Variants in GALNT13 observed in about 807,000 individuals in gnomAD.
The protein encoded by GALNT13 is UDP-GalNAc:polypeptide N-acetylgalactosaminyltransferase 13.
In GALNT13, 28 loss-of-function variants were observed where a neutral mutation model predicts 64.2. The observed-to-expected ratio is 0.44, with a 90% CI of 0.32 to 0.60. GALNT13 has a LOEUF of 0.60. Ranked by LOEUF, GALNT13 falls within the 20% of genes least tolerant of loss-of-function variation. The pLI, the probability that GALNT13 is intolerant of heterozygous loss-of-function variation, is 0.05. For synonymous variants in GALNT13, 214 were observed against 224.6 expected, an observed-to-expected ratio of 0.95 and a Z score of 0.42; for missense variants, 577 against 669.8, an observed-to-expected ratio of 0.86 and a Z score of 1.53.
the GALNT13 span, among the ~76,000 whole-genome samples, chr2:153,229,723 A>T: frequency 6.6e-6 from 1 of 152,154 alleles, no homozygotes; most frequent in Non-Finnish European, 1.5e-5. Context: ...GTGCCTCCTA[A>T]TTTCTATATT....
At chr2:154,302,880 A>G (rs892012374) in intron 9 of GALNT13, among the ~76,000 whole-genome samples, 3 of 152,158 alleles carry the variant, frequency 2.0e-5, no homozygotes, top group Non-Finnish European at 4.4e-5. Flanking sequence ...CAAACCTTTA[A>G]AAGGTGCTAA....
chr2:153,861,217 ATTAT>A, the GALNT13 span, among the ~76,000 whole-genome samples: 1 of 152,240 alleles, frequency 6.6e-6, no homozygotes, highest in East Asian at 1.9e-4. Flanking sequence ...CATAAACTGC[ATTAT>A]TTAATTCTCA....
the GALNT13 span, among the ~76,000 whole-genome samples, chr2:153,413,147 G>A: frequency 0.22 from 33,521 of 151,882 alleles, 3,937 homozygotes; most frequent in Non-Finnish European, 0.25. Flanking sequence ...TCTGTTTAAG[G>A]ACACAGGCAG....
the GALNT13 span, among the ~76,000 whole-genome samples, chr2:153,403,505 A>C: frequency 4.3e-4 from 66 of 152,222 alleles, no homozygotes; most frequent in Admixed American, 2.1e-3. Flanking sequence ...GCCTGGGCAA[A>C]GGCGGGCGCC....
chr2:153,762,723 A>C, the GALNT13 span: 2 of 151,672 alleles, frequency 1.3e-5, no homozygotes, highest in Non-Finnish European at 2.9e-5. Flanking sequence ...AAGCTCGGGC[A>C]GTTTCCACTT....
the GALNT13 span, among the ~76,000 whole-genome samples, chr2:153,384,648 A>G: frequency 6.6e-6 from 1 of 152,044 alleles, no homozygotes; most frequent in Non-Finnish European, 1.5e-5. Context: ...TTTCAGAAGC[A>G]AGTCTTTCAA....
chr2:153,137,192 T>G, the GALNT13 span, among the ~76,000 whole-genome samples: 1 of 152,114 alleles, frequency 6.6e-6, no homozygotes, highest in Non-Finnish European at 1.5e-5. Context: ...GGGCCACGTT[T>G]TTGAAAAGGA....
intron 9 of GALNT13, among the ~76,000 whole-genome samples, chr2:154,317,379 A>C (rs3856384): frequency 0.83 from 126,193 of 152,022 alleles, 52,548 homozygotes; most frequent in African/African-American, 0.89. Context: ...ATTTTTAGTG[A>C]AGTAAGCTAC....
chr2:153,897,088 A>G (rs1363712793), intron 1 of GALNT13, among the ~76,000 whole-genome samples: 1 of 152,156 alleles, frequency 6.6e-6, no homozygotes. Context: ...TTTGAGAATC[A>G]GTTGCAGACA....
chr2:154,428,144 C>G lies in GALNT13; in HGVS notation c.1396-10448C>G, dbSNP rs192403465. 2.4e-4 allele frequency among the ~76,000 whole-genome samples: 36 copies of G among 152,188 alleles called. No individual in the cohort carries two copies. The East Asian group carries it at 7.0e-3, about 29-fold the overall frequency. On this transcript the variant is annotated intron_variant, in intron 11 of 12. Coordinates refer to ENST00000392825, the MANE Select transcript of GALNT13 (RefSeq NM_052917.4). ...CTGCGTTCCAAATACCTAAAGAGAT[C>G]TCCCAGAGGATGCAAAGGTCCACAA...
the GALNT13 span, among the ~76,000 whole-genome samples, chr2:153,267,972 T>G: frequency 6.6e-6 from 1 of 152,094 alleles, no homozygotes; most frequent in Non-Finnish European, 1.5e-5. Context: ...CATGTGGGGA[T>G]TATTACAATT....
chr2:154,245,616 A>C (rs1449410743), intron 6 of GALNT13, among the ~76,000 whole-genome samples, 196 bp from the exon 7 acceptor site: 1 of 152,202 alleles, frequency 6.6e-6, no homozygotes, highest in African/African-American at 2.4e-5. Flanking sequence ...ATTTCAAAAG[A>C]TAGCATAAAG....
At chr2:153,126,338 A>T in the GALNT13 span, among the ~76,000 whole-genome samples, 61 of 64,202 alleles carry the variant, frequency 9.5e-4, no homozygotes, top group African/African-American at 2.0e-3. Flanking sequence ...ATATATATAT[A>T]TATATATATG....
At chr2:153,093,559 T>C in the GALNT13 span, among the ~76,000 whole-genome samples, 1 of 152,142 alleles carries the variant, frequency 6.6e-6, no homozygotes, top group Non-Finnish European at 1.5e-5. Flanking sequence ...CTTTCTAATG[T>C]ATTGTTGAAT....
chr2:154,408,226 C>T (rs1699640508), intron 10 of GALNT13, among the ~76,000 whole-genome samples: 1 of 151,878 alleles, frequency 6.6e-6, no homozygotes, highest in African/African-American at 2.4e-5. Context: ...TCTTTAAAGT[C>T]AATTATTGGT....
chr2:154,158,044 C>G (rs1684524891), intron 4 of GALNT13, among the ~76,000 whole-genome samples: 1 of 152,102 alleles, frequency 6.6e-6, no homozygotes, highest in South Asian at 2.1e-4. Context: ...CTGTGGCAGT[C>G]ATTCCCGTGG....
At chr2:154,246,181 A>C (rs987106228) in intron 7 of GALNT13, among the ~76,000 whole-genome samples, 199 bp downstream of exon 7, 1 of 152,114 alleles carries the variant, frequency 6.6e-6, no homozygotes, top group Admixed American at 6.6e-5. Flanking sequence ...AAACTTAAGT[A>C]TTGGCAAAAA....
At chr2:154,048,148 A>C (rs2105340562) in intron 3 of GALNT13, among the ~76,000 whole-genome samples, 1 of 152,214 alleles carries the variant, frequency 6.6e-6, no homozygotes, top group Admixed American at 6.5e-5. Flanking sequence ...AGGAAGAGAG[A>C]GATTGGAGAG....
chr2:153,956,676 A>G (rs1692590235), intron 3 of GALNT13, among the ~76,000 whole-genome samples: 1 of 152,124 alleles, frequency 6.6e-6, no homozygotes. Context: ...TGGTTCCCTC[A>G]TATTTTGAAC....
Sources: allele counts gnomAD v4.1 joint callset (sites outside exome capture counted in the v4.1 genomes callset), GRCh38; gene constraint gnomAD v4.1.1; transcripts MANE v1.5; gene names NCBI Gene and HGNC (gene_info 2026-07-23, HGNC 2026-07-21).